Variants in TAF2 observed in about 807,000 individuals in gnomAD.
The protein encoded by TAF2 is transcription initiation factor TFIID subunit 2.
TAF2 carries 61 observed loss-of-function variants against 138.5 expected under a neutral mutation model. The ratio of observed to expected loss-of-function variants is 0.44; its 90% CI spans 0.36 to 0.54. TAF2 has a LOEUF of 0.54. Among genes scored for constraint, TAF2 ranks in the 20% least tolerant of loss-of-function variants. The pLI is 0.00. For missense variants in TAF2, 1,090 were observed against 1,427.9 expected (o/e 0.76, Z 3.81); for synonymous variants, 475 against 469.9 (o/e 1.01, Z -0.14).
At chr8:119,831,974 C>T (rs527715508) in intron 1 of TAF2, among the ~76,000 whole-genome samples, 67 of 152,166 alleles carry the variant, frequency 4.4e-4, no homozygotes, top group Non-Finnish European at 8.7e-4. Context: ...GCCTGGCCAA[C>T]AGAGTGAAAC....
chr8:119,807,896 TG>T (rs1366232848), intron 3 of TAF2, among the ~76,000 whole-genome samples: 2 of 152,132 alleles, frequency 1.3e-5, no homozygotes, highest in Non-Finnish European at 2.9e-5. Context: ...CACTCCAACC[TG>T]GGCAACAGAG....
chr8:119,752,817 A>G (rs576652896), intron 22 of TAF2, among the ~76,000 whole-genome samples: 1 of 152,338 alleles, frequency 6.6e-6, no homozygotes, highest in Non-Finnish European at 1.5e-5. Context: ...AACTATGCAA[A>G]GTCAATATAC....
In TAF2 at chr8:119,756,007, A is replaced by G; in HGVS notation, c.2877T>C (p.Ser959=). The change falls in exon 22 of 26, where the codon TCT becomes TCC. Residue 959 remains serine (S), a splice_region_variant and synonymous_variant. Coordinates refer to ENST00000378164, the MANE Select transcript of TAF2 (RefSeq NM_003184.4). ...LVDQLWKLMN[S]GTSHDWRLRC... is the part of the protein sequence containing the mutation. ...CAATTTAAATCCCTGCTCTCTCACC[A>G]GAATTCATAAGTTTCCAAAGTTGAT... The G allele has an allele frequency of 3.7e-6, 6 of 1,604,038 alleles. No individual in the cohort carries two copies. Among genetic ancestry groups the G allele is most frequent in the Non-Finnish European group, 5.1e-6 (6 of 1,171,164 alleles).
chr8:119,779,064 G>A (rs764796624), intron 17 of TAF2, among the ~76,000 whole-genome samples: 11 of 152,096 alleles, frequency 7.2e-5, no homozygotes, highest in Non-Finnish European at 1.2e-4. Flanking sequence ...GCGCTTTTCC[G>A]TAGAAATACC....
In TAF2 at chr8:119,819,414, G is replaced by A; in HGVS notation, c.231C>T (p.Ile77=). ...SKQCRIYRVR[I]NDLEAAFIYN... is the part of the protein sequence containing the mutation. ...AAATAAAAGCAGCCTCTAAATCATT[G>A]ATCCTTACTCGGTATATTCTACACT... The change falls in exon 3 of 26, where the codon ATC becomes ATT. Residue 77 remains isoleucine (I), a synonymous_variant. Coordinates refer to ENST00000378164, the MANE Select transcript of TAF2 (RefSeq NM_003184.4). The A allele has an allele frequency of 1.2e-6, 2 of 1,612,760 alleles. No individual in the cohort carries two copies. Among genetic ancestry groups the A allele is most frequent in the African/African-American group, 1.3e-5 (1 of 74,982 alleles).
At chr8:119,753,624 T>G (rs1820504892) in intron 22 of TAF2, among the ~76,000 whole-genome samples, 1 of 152,196 alleles carries the variant, frequency 6.6e-6, no homozygotes, top group African/African-American at 2.4e-5. Flanking sequence ...TTTACTGTAC[T>G]GCACACTATC....
At chr8:119,742,510 T>C in intron 25 of TAF2, 24 bp downstream of exon 25, 1 of 1,610,680 alleles carries the variant, frequency 6.2e-7, no homozygotes, top group Non-Finnish European at 8.5e-7. Context: ...CAAAATAATA[T>C]TAATTCTGAT....
At chr8:119,814,737 C>CAAAAAAAAA (rs397795248) in intron 3 of TAF2, among the ~76,000 whole-genome samples, 412 of 85,564 alleles carry the variant, frequency 4.8e-3, no homozygotes, top group African/African-American at 5.9e-3. Context: ...ACCAAAAATA[C>CAAAAAAAAA]AAAAAAAAAA....
At chr8:119,742,430 A>C in intron 25 of TAF2, 104 bp downstream of exon 25, 1 of 1,443,920 alleles carries the variant, frequency 6.9e-7, no homozygotes, top group Non-Finnish European at 9.5e-7. Context: ...AAGTCCTAAG[A>C]TCTGTATTTT....
At chr8:119,798,506 T>C (rs1056746641) in intron 6 of TAF2, among the ~76,000 whole-genome samples, 2 of 152,170 alleles carry the variant, frequency 1.3e-5, no homozygotes, top group African/African-American at 4.8e-5. Flanking sequence ...AACAACCGTG[T>C]AAGGTTTCAT....
chr8:119,784,491 T>G (rs1822887495), intron 15 of TAF2, among the ~76,000 whole-genome samples: 1 of 152,020 alleles, frequency 6.6e-6, no homozygotes, highest in Non-Finnish European at 1.5e-5. Flanking sequence ...CAAGCAAGAC[T>G]CTGTCTCAAA....
intron 18 of TAF2, among the ~76,000 whole-genome samples, chr8:119,774,255 C>G (rs1822061546): frequency 6.6e-6 from 1 of 152,076 alleles, no homozygotes; most frequent in Non-Finnish European, 1.5e-5. Flanking sequence ...ATCACAGTAT[C>G]ATCAAAACCT....
Position 119,751,344 on chromosome 8 carries a change from C to T in TAF2, c.2879-4410G>A, listed in dbSNP as rs182805567. Among the ~76,000 whole-genome samples, 29 of 152,302 alleles carry T rather than the reference C, an allele frequency of 1.9e-4. 1 individual carries two copies. The East Asian group carries it at 2.1e-3, about 11-fold the overall frequency. On this transcript the variant is annotated intron_variant, in intron 22 of 25. Transcript: ENST00000378164. Reference sequence around the variant, plus strand: ...TAAAATCTAAATTCCTGAGGCCCTTCGCATTTAGATCCTAATCTATCTTTC... The same window carrying T: ...TAAAATCTAAATTCCTGAGGCCCTTTGCATTTAGATCCTAATCTATCTTTC...
At chr8:119,809,697 C>T (rs142243996) in intron 3 of TAF2, among the ~76,000 whole-genome samples, 1 of 151,982 alleles carries the variant, frequency 6.6e-6, no homozygotes, top group Non-Finnish European at 1.5e-5. Flanking sequence ...CAGGGAGGCC[C>T]GAGGAAGGGG....
chr8:119,784,418 G>T (rs1260123709), intron 15 of TAF2, among the ~76,000 whole-genome samples: 1 of 152,058 alleles, frequency 6.6e-6, no homozygotes, highest in Non-Finnish European at 1.5e-5. Flanking sequence ...AGCCAGGCAT[G>T]GTGGCATGCA....
At position 119,801,968 on chromosome 8, in the gene TAF2, A is replaced by C. The variant is rs567187367; in HGVS notation, c.618T>G (p.Phe206Leu). 6.2e-7 allele frequency: 1 copy of C among 1,614,188 alleles called. No individual in the cohort carries two copies. The highest frequency in any genetic ancestry group is 1.3e-5 in the African/African-American group (1 of 75,052). Residue 206 changes from phenylalanine to leucine, a missense_variant, in exon 6 of 26, where the codon TTT becomes TTG. This residue lies in a region of TAF2 where 504 missense variants were observed against 680.9 expected (regional missense o/e 0.74). Coordinates refer to ENST00000378164, the MANE Select transcript of TAF2 (RefSeq NM_003184.4). The part of the protein sequence containing the change: ...YSELCTWKLE[F>L]TVDAAMVAVS... ...CAGCAACCATTGCAGCATCTACTGT[A>C]AATTCTAATTTCCATGTACACAATT... is the stretch of plus-strand genomic sequence containing the variant.
chr8:119,784,302 C>T (rs1037838553), intron 15 of TAF2, among the ~76,000 whole-genome samples: 3 of 152,080 alleles, frequency 2.0e-5, no homozygotes, highest in African/African-American at 7.2e-5. Flanking sequence ...TGTCTGTAAC[C>T]CCAGCACTTT....
chr8:119,758,269 G>T, intron 20 of TAF2, 127 bp from the exon 21 acceptor site: 3 of 779,622 alleles, frequency 3.8e-6, no homozygotes, highest in South Asian at 1.6e-5. Context: ...AATCAGAGTT[G>T]AAGGTTATAG....
rs187077035 is a variant in TAF2 at position 119,751,758 on chromosome 8, T to C, written c.2878+4248A>G. On this transcript the variant is annotated intron_variant, in intron 22 of 25. Transcript: ENST00000378164. ...CCCCTGGCAAATGAGATATTTTCAA[T>C]TAAAAATAAACCTATTTATTTAAGA... 5.1e-3 allele frequency among the ~76,000 whole-genome samples: 784 copies of C among 152,330 alleles called. 4 individuals are homozygous for C. Among genetic ancestry groups the C allele is most frequent in the Non-Finnish European group, 8.6e-3 (583 of 68,028 alleles).
Sources: allele counts gnomAD v4.1 joint callset (sites outside exome capture counted in the v4.1 genomes callset), GRCh38; gene constraint gnomAD v4.1.1; regional missense constraint gnomAD v4.1.1; transcripts MANE v1.5; gene names NCBI Gene and HGNC (gene_info 2026-07-23, HGNC 2026-07-21).